The following BMAL2 variants were observed in gnomAD, a reference collection of about 807,000 sequenced individuals.
BMAL2 encodes the protein basic helix-loop-helix ARNT-like protein 2.
chr12:27,400,009 T>C, the BMAL2 span, among the ~76,000 whole-genome samples: 6 of 152,322 alleles, frequency 3.9e-5, no homozygotes, highest in Middle Eastern at 3.4e-3. Flanking sequence ...TCTCCAAGTG[T>C]TCTTTAAAAT....
chr12:27,363,812 T>C, the BMAL2 span, among the ~76,000 whole-genome samples: 2 of 152,218 alleles, frequency 1.3e-5, no homozygotes, highest in Non-Finnish European at 2.9e-5. Flanking sequence ...AACTTAAAGA[T>C]TGTCACATTT....
chr12:27,352,149 A>G, the BMAL2 span, among the ~76,000 whole-genome samples: 1 of 152,172 alleles, frequency 6.6e-6, no homozygotes, highest in Non-Finnish European at 1.5e-5. Context: ...TAATTTTAGG[A>G]TAAGTTCAAA....
the BMAL2 span, among the ~76,000 whole-genome samples, chr12:27,391,775 CTG>C: frequency 3.3e-5 from 5 of 152,302 alleles, no homozygotes; most frequent in East Asian, 9.6e-4. Flanking sequence ...ACCCCCTACT[CTG>C]TGTTATACTG....
At chr12:27,406,593 A>G in the BMAL2 span, among the ~76,000 whole-genome samples, 276 of 152,356 alleles carry the variant, frequency 1.8e-3, 3 homozygotes, top group Non-Finnish European at 3.5e-4. Flanking sequence ...TCCTGAAGGA[A>G]GCACTAAACA....
the BMAL2 span, among the ~76,000 whole-genome samples, chr12:27,394,835 G>A: frequency 6.6e-6 from 1 of 152,196 alleles, no homozygotes; most frequent in Non-Finnish European, 1.5e-5. Flanking sequence ...CTTGTAAGGA[G>A]AGGCACCAGA....
At chr12:27,384,280 C>T in the BMAL2 span, among the ~76,000 whole-genome samples, 1 of 152,170 alleles carries the variant, frequency 6.6e-6, no homozygotes, top group East Asian at 1.9e-4. Flanking sequence ...CTGATAATTC[C>T]TCATCATTTT....
the BMAL2 span, chr12:27,368,203 T>C: frequency 1.9e-6 from 3 of 1,583,420 alleles, no homozygotes; most frequent in Non-Finnish European, 2.6e-6. Flanking sequence ...GATATGGATA[T>C]GTACAAAGTA....
At chr12:27,360,803 C>CAAAAAA in the BMAL2 span, among the ~76,000 whole-genome samples, 2,716 of 46,178 alleles carry the variant, frequency 0.059, 399 homozygotes, top group East Asian at 0.069. Context: ...GTGATTTGTC[C>CAAAAAA]AAAAAAAAAA....
the BMAL2 span, among the ~76,000 whole-genome samples, chr12:27,348,642 G>T: frequency 2.0e-5 from 3 of 151,796 alleles, no homozygotes; most frequent in Non-Finnish European, 2.9e-5. Flanking sequence ...TTTACATTTA[G>T]CTCATTCATC....
At chr12:27,411,189 G>A in the BMAL2 span, among the ~76,000 whole-genome samples, 16 of 152,004 alleles carry the variant, frequency 1.1e-4, no homozygotes, top group African/African-American at 3.6e-4. Context: ...GTGCAGCGGT[G>A]CGATCATGGC....
chr12:27,400,052 G>A, the BMAL2 span, among the ~76,000 whole-genome samples: 1 of 151,970 alleles, frequency 6.6e-6, no homozygotes, highest in Admixed American at 6.6e-5. Flanking sequence ...TTATGTATCT[G>A]TTAACCATTA....
the BMAL2 span, among the ~76,000 whole-genome samples, chr12:27,400,977 G>A: frequency 6.6e-6 from 1 of 152,160 alleles, no homozygotes; most frequent in Admixed American, 6.6e-5. Context: ...CTCTTAGCCA[G>A]TGGTGCAGAA....
chr12:27,418,283 A>G, the BMAL2 span: 4 of 880,860 alleles, frequency 4.5e-6, no homozygotes, highest in African/African-American at 3.4e-5. Flanking sequence ...GGAAATTTGT[A>G]GAGAAGCAGA....
At chr12:27,385,565 C>G in the BMAL2 span, 1 of 1,558,044 alleles carries the variant, frequency 6.4e-7, no homozygotes, top group Non-Finnish European at 8.8e-7. Flanking sequence ...CTTAAGGTAA[C>G]TAAAGATATA....
chr12:27,380,497 G>A, the BMAL2 span: 6 of 1,362,598 alleles, frequency 4.4e-6, no homozygotes, highest in African/African-American at 2.9e-5. Flanking sequence ...AGCTGTTGAG[G>A]TTCTATCCAG....
At chr12:27,341,621 T>A in the BMAL2 span, among the ~76,000 whole-genome samples, 14 of 152,316 alleles carry the variant, frequency 9.2e-5, no homozygotes, top group South Asian at 2.3e-3. Context: ...ATCTGCACTT[T>A]CCACATTTAT....
At chr12:27,385,524 T>C in the BMAL2 span, 2 of 1,607,026 alleles carry the variant, frequency 1.2e-6, no homozygotes. Context: ...GACCATCATT[T>C]CTTCAGGATA....
the BMAL2 span, among the ~76,000 whole-genome samples, chr12:27,356,438 A>G: frequency 0.044 from 6,715 of 152,252 alleles, 179 homozygotes; most frequent in Middle Eastern, 0.12. Flanking sequence ...AGTACAATCT[A>G]CGTTTCAAGC....
At chr12:27,398,564 A>T in the BMAL2 span, among the ~76,000 whole-genome samples, 237 of 97,164 alleles carry the variant, frequency 2.4e-3, 1 homozygote, top group East Asian at 8.2e-3. Context: ...TGGGATTTTT[A>T]AAAAAAAAAC....
Sources: allele counts gnomAD v4.1 joint callset (sites outside exome capture counted in the v4.1 genomes callset), GRCh38; gene constraint gnomAD v4.1.1; transcripts MANE v1.5; gene names NCBI Gene and HGNC (gene_info 2026-07-23, HGNC 2026-07-21).